Variants in EPHA5 observed in about 807,000 individuals in gnomAD.
The protein encoded by EPHA5 is EPH receptor A5.
A neutral mutation model predicts 105.0 loss-of-function variants in EPHA5; 60 were observed. That is an observed-to-expected ratio of 0.57 (90% CI 0.46 to 0.71). The LOEUF (loss-of-function observed/expected upper bound fraction) is 0.71. EPHA5 is among the 30% of genes least tolerant of loss of function. The pLI, the probability that EPHA5 is intolerant of heterozygous loss-of-function variation, is 0.00. For missense variants in EPHA5, 1,218 were observed against 1,274.7 expected (o/e 0.96, Z 0.68); for synonymous variants, 513 against 449.1 (o/e 1.14, Z -1.80).
chr4:65,499,823 T>C (rs944791341), intron 3 of EPHA5, among the ~76,000 whole-genome samples: 1 of 131,496 alleles, frequency 7.6e-6, no homozygotes, highest in Middle Eastern at 4.5e-3. Context: ...TAAATAAATG[T>C]ATAATCTTTT....
At chr4:65,494,885 C>T in intron 4 of EPHA5, among the ~76,000 whole-genome samples, 1 of 151,650 alleles carries the variant, frequency 6.6e-6, no homozygotes, top group Non-Finnish European at 1.5e-5. Context: ...TTTATTGGGG[C>T]AGTTTAGAAC....
At chr4:65,339,628 C>A (rs886733990) in intron 14 of EPHA5, among the ~76,000 whole-genome samples, 6 of 152,084 alleles carry the variant, frequency 3.9e-5, no homozygotes, top group Admixed American at 3.9e-4. Flanking sequence ...GTGAGCTATA[C>A]ATACATTTAA....
At chr4:65,523,735 C>T (rs1003109376) in intron 3 of EPHA5, among the ~76,000 whole-genome samples, 11 of 151,806 alleles carry the variant, frequency 7.2e-5, no homozygotes, top group African/African-American at 2.7e-4. Flanking sequence ...TTTCAGAGTC[C>T]TCTTGATTTT....
chr4:65,325,399 GTTTTC>G (rs928191029), intron 16 of EPHA5, among the ~76,000 whole-genome samples: 31 of 151,318 alleles, frequency 2.0e-4, no homozygotes, highest in Non-Finnish European at 2.5e-4. Context: ...TAGTATTTTA[GTTTTC>G]TTTTCCCTTT....
intron 1 of EPHA5, among the ~76,000 whole-genome samples, chr4:65,661,160 A>G (rs975815938): frequency 1.3e-5 from 2 of 152,170 alleles, no homozygotes; most frequent in Non-Finnish European, 2.9e-5. Flanking sequence ...TAAGGGCCAA[A>G]TAATTTAGAG....
chr4:65,659,578 C>A (rs10866160), intron 1 of EPHA5, among the ~76,000 whole-genome samples: 88,933 of 151,596 alleles, frequency 0.59, 26,234 homozygotes, highest in Middle Eastern at 0.68. Context: ...TCTCCAAGAC[C>A]TCACATACAT....
intron 6 of EPHA5, 80 bp downstream of exon 6, chr4:65,420,361 C>G (rs1049824446): frequency 5.1e-6 from 7 of 1,383,694 alleles, no homozygotes; most frequent in Non-Finnish European, 6.9e-6. Flanking sequence ...GCAACATACT[C>G]TTCTGCAAGT....
intron 5 of EPHA5, among the ~76,000 whole-genome samples, chr4:65,432,586 A>C (rs1328703745): frequency 1.3e-5 from 2 of 151,642 alleles, no homozygotes; most frequent in Non-Finnish European, 2.9e-5. Flanking sequence ...TTTCTTTTTT[A>C]ATATGGAGTC....
intron 3 of EPHA5, among the ~76,000 whole-genome samples, chr4:65,576,869 T>C (rs1741110018): frequency 1.3e-5 from 2 of 152,202 alleles, no homozygotes; most frequent in Admixed American, 6.5e-5. Flanking sequence ...CTGGGAGTTC[T>C]GACCTTGACT....
rs879781795 is a variant in EPHA5 at position 65,531,796 on chromosome 4, ATCAG to A, written c.911-36257_911-36254del. Among the ~76,000 whole-genome samples, 182 of 152,316 alleles carry A rather than the reference ATCAG, an allele frequency of 1.2e-3. 5 individuals are homozygous for A. Among genetic ancestry groups the A allele is most frequent in the Admixed American group, 0.012 (179 of 15,298 alleles). On this transcript the variant is annotated intron_variant, in intron 3 of 16. Transcript: ENST00000613740. ...GAATCTGATGATAAAGAGGTACCAT[ATCAG>A]TCTTGTGCTTAGTAACTCTCAGGCT...
chr4:65,350,685 C>T (rs556501281), intron 13 of EPHA5, among the ~76,000 whole-genome samples: 7 of 152,086 alleles, frequency 4.6e-5, no homozygotes, highest in African/African-American at 1.4e-4. Flanking sequence ...CAGTTTTTCA[C>T]AGAAAAAATG....
At chr4:65,324,291 AG>A (rs541309028) in intron 16 of EPHA5, 72 bp from the exon 17 acceptor site, 1 of 1,019,360 alleles carries the variant, frequency 9.8e-7, no homozygotes, top group Non-Finnish European at 1.5e-6. Flanking sequence ...ATGTTGGCAA[AG>A]GGGCAAACAT....
chr4:65,637,597 T>TATATATATATATATATATATAC (rs889288051), intron 2 of EPHA5, among the ~76,000 whole-genome samples: 1 of 144,534 alleles, frequency 6.9e-6, no homozygotes, highest in African/African-American at 2.5e-5. Flanking sequence ...TATATATATA[T>TATATATATATATATATATATAC]ACGTATATGC....
intron 3 of EPHA5, among the ~76,000 whole-genome samples, chr4:65,505,379 T>C (rs1160411475): frequency 1.3e-5 from 2 of 152,056 alleles, no homozygotes; most frequent in African/African-American, 4.8e-5. Flanking sequence ...TTTGAACAGA[T>C]TTAACAACTT....
intron 8 of EPHA5, among the ~76,000 whole-genome samples, chr4:65,398,001 T>A (rs1440712601): frequency 6.6e-6 from 1 of 152,138 alleles, no homozygotes; most frequent in Admixed American, 6.5e-5. Flanking sequence ...GAAATGAGCA[T>A]GAGCCAGGAC....
intron 5 of EPHA5, among the ~76,000 whole-genome samples, chr4:65,477,951 C>T (rs528638336): frequency 7.9e-5 from 12 of 152,168 alleles, no homozygotes; most frequent in African/African-American, 2.6e-4. Flanking sequence ...TGGCAAGACT[C>T]TAAAGTCATT....
chr4:65,611,956 G>A (rs181092747), intron 2 of EPHA5, among the ~76,000 whole-genome samples: 155 of 141,626 alleles, frequency 1.1e-3, no homozygotes, highest in African/African-American at 3.8e-3. Flanking sequence ...GGCGGAGTCT[G>A]CAGTGAGCCG....
chr4:65,645,640 G>C (rs1276882155), intron 1 of EPHA5, among the ~76,000 whole-genome samples: 1 of 148,010 alleles, frequency 6.8e-6, no homozygotes, highest in African/African-American at 2.5e-5. Context: ...TGGAAAATAT[G>C]TATGTGTTGG....
rs565791323 is a variant in EPHA5, at chr4:65,521,487, A to C, written c.911-25944T>G. Among the ~76,000 whole-genome samples the C allele has an allele frequency of 6.6e-5, 10 of 152,258 alleles. No individual in the cohort carries two copies. The East Asian group carries it at 1.9e-3, about 29-fold the overall frequency. ...ATGTATACATATGTAACAAACCCTCACATTGTCCACATGTACCCTAGAACT... is the reference window on the plus strand; with the variant it reads ...ATGTATACATATGTAACAAACCCTCCCATTGTCCACATGTACCCTAGAACT... On this transcript the variant is annotated intron_variant, in intron 3 of 16. Coordinates refer to ENST00000613740, the MANE Select transcript of EPHA5 (RefSeq NM_001281766.3).
Sources: allele counts gnomAD v4.1 joint callset (sites outside exome capture counted in the v4.1 genomes callset), GRCh38; gene constraint gnomAD v4.1.1; transcripts MANE v1.5; gene names NCBI Gene and HGNC (gene_info 2026-07-23, HGNC 2026-07-21).